EOGT: variants seen among roughly 807,000 people sequenced by gnomAD.
EOGT encodes EGF domain-specific O-linked N-acetylglucosamine transferase.
EOGT carries 55 observed loss-of-function variants against 70.5 expected under a neutral mutation model. The ratio of observed to expected loss-of-function variants is 0.78; its 90% CI spans 0.63 to 0.98. The LOEUF is 0.98. Among genes scored for constraint, EOGT ranks in the 50% least tolerant of loss-of-function variants. The pLI is 0.00. For missense variants in EOGT, 703 were observed against 641.9 expected (o/e 1.10, Z -1.03); for synonymous variants, 246 against 217.1 (o/e 1.13, Z -1.17).
intron 10 of EOGT, among the ~76,000 whole-genome samples, chr3:68,992,460 C>T (rs928172882): frequency 6.6e-6 from 1 of 152,224 alleles, no homozygotes; most frequent in Admixed American, 6.5e-5. Flanking sequence ...CCAGGTTACA[C>T]TGAAGCATGA....
intron 8 of EOGT, 40 bp from the exon 9 acceptor site, chr3:69,001,754 C>A: frequency 7.3e-7 from 1 of 1,361,538 alleles, no homozygotes; most frequent in South Asian, 1.2e-5. Context: ...AACTGATTCT[C>A]CCAAACTTCC....
In EOGT at chr3:69,007,783, T is replaced by C. The variant is rs766820298; in HGVS notation, c.350A>G (p.Lys117Arg). 1.2e-6 allele frequency: 2 copies of C among 1,613,204 alleles called. No individual in the cohort carries two copies. Among genetic ancestry groups the C allele is most frequent in the Admixed American group, 3.3e-5 (2 of 59,962 alleles). The stretch of plus-strand genomic sequence containing the variant: ...TCTGGCATATCCAAAGTCAGCTTGT[T>C]TCCAAAATATGTCCTCAGCTGACTC... ...TLESAEDIFW[K>R]QADFGYARER... Residue 117 changes from lysine (K) to arginine (R), a missense_variant, in exon 6 of 18, where the codon AAA becomes AGA. Physicochemically the swap from Lys to Arg is conservative, Grantham distance 26. Coordinates refer to ENST00000383701, the MANE Select transcript of EOGT (RefSeq NM_001278689.2).
chr3:69,005,238 A>G lies in EOGT; in HGVS notation c.421-4T>C, dbSNP rs199685770. Reference sequence around the variant, plus strand: ...AACACACCAGACTTGAGTCACTCTGAAGGTTGAGCAAAAGAAAAGAATGAC... The same window carrying G: ...AACACACCAGACTTGAGTCACTCTGGAGGTTGAGCAAAAGAAAAGAATGAC... On this transcript the variant is annotated splice_polypyrimidine_tract_variant and splice_region_variant and intron_variant, in intron 6 of 17. Transcript: ENST00000383701. 6.5e-7 allele frequency: 1 copy of G among 1,535,904 alleles called. No homozygotes were observed. Among genetic ancestry groups the G allele is most frequent in the Non-Finnish European group, 9.0e-7 (1 of 1,115,530 alleles).
At chr3:69,006,122 A>T (rs2091434207) in intron 6 of EOGT, among the ~76,000 whole-genome samples, 1 of 152,214 alleles carries the variant, frequency 6.6e-6, no homozygotes, top group Non-Finnish European at 1.5e-5. Context: ...GCACAAAGCA[A>T]ATCAAGGTAA....
At chr3:69,002,198 T>C (rs1159163835) in intron 8 of EOGT, among the ~76,000 whole-genome samples, 1 of 152,126 alleles carries the variant, frequency 6.6e-6, no homozygotes. Context: ...TAGCAGCAGA[T>C]TCTCCAGGCC....
rs2091435431 is a variant in EOGT at position 69,006,172 on chromosome 3, AG to A, written c.421-939del. 3.9e-5 allele frequency among the ~76,000 whole-genome samples: 6 copies of A among 152,342 alleles called. No homozygotes were observed. The South Asian group carries it at 1.2e-3, about 32-fold the overall frequency. On this transcript the variant is annotated intron_variant, in intron 6 of 17. Coordinates refer to ENST00000383701, the MANE Select transcript of EOGT (RefSeq NM_001278689.2). ...AACATTCTACAAGCCACCTTGAAAGAGGAGTGCAAGATAGGGGTTGTCATTA... is the reference window on the plus strand; with the variant it reads ...AACATTCTACAAGCCACCTTGAAAGAGAGTGCAAGATAGGGGTTGTCATTA...
chr3:68,982,734 G>C, intron 15 of EOGT, 77 bp downstream of exon 15: 1 of 1,073,998 alleles, frequency 9.3e-7, no homozygotes, highest in Non-Finnish European at 1.3e-6. Context: ...GGCTCCCACT[G>C]GAAAAATGCT....
At chr3:68,986,073 A>G (rs2090797747) in intron 14 of EOGT, among the ~76,000 whole-genome samples, 1 of 152,090 alleles carries the variant, frequency 6.6e-6, no homozygotes, top group South Asian at 2.1e-4. Context: ...TCCCACTTTT[A>G]AGGAAATTAT....
chr3:68,986,029 A>G lies in EOGT; in HGVS notation c.1152+1416T>C, dbSNP rs566671734. On this transcript the variant is annotated intron_variant, in intron 14 of 17. Transcript: ENST00000383701. ...CCATCTTCGAAGCCAGCAACATGGC[A>G]TCTCTCTGGCCCCACTTCCCTTATA... is the stretch of plus-strand genomic sequence containing the variant. 3.3e-5 allele frequency among the ~76,000 whole-genome samples: 5 copies of G among 152,308 alleles called. No individual in the cohort carries two copies. In the South Asian group the frequency reaches 1.0e-3, roughly 32 times the overall value.
chr3:68,996,623 G>C (rs1559602763), intron 10 of EOGT, among the ~76,000 whole-genome samples: 1 of 152,178 alleles, frequency 6.6e-6, no homozygotes, highest in African/African-American at 2.4e-5. Flanking sequence ...CTAAGCCAAG[G>C]CATCGCCTGT....
At position 68,977,678 on chromosome 3, in the gene EOGT, A is replaced by G. The variant is rs1575699109; in HGVS notation, c.1524T>C (p.Ala508=). The change falls in exon 18 of 18, where the codon GCT becomes GCC. Residue 508 remains alanine, a synonymous_variant. Transcript: ENST00000383701. ...VEEFMYLVLQ[A]ADHVLQHPKW... is the part of the protein sequence containing the mutation. ...TTGGGTGTTGCAATACGTGGTCTGC[A>G]GCCTGAAGGACAAGATACATAAATT... The G allele has an allele frequency of 1.2e-6, 2 of 1,613,954 alleles. No individual in the cohort carries two copies. The highest frequency in any genetic ancestry group is 3.3e-5 in the Admixed American group (2 of 59,990).
chr3:68,982,743 C>A, intron 15 of EOGT, 68 bp downstream of exon 15: 1 of 1,191,146 alleles, frequency 8.4e-7, no homozygotes, highest in Non-Finnish European at 1.2e-6. Context: ...TGGAAAAATG[C>A]TTTCTAGCCC....
intron 8 of EOGT, among the ~76,000 whole-genome samples, chr3:69,003,661 CA>C: frequency 6.6e-6 from 1 of 152,104 alleles, no homozygotes; most frequent in Non-Finnish European, 1.5e-5. Flanking sequence ...TTTTAAAATA[CA>C]AACTTTTTAA....
intron 16 of EOGT, among the ~76,000 whole-genome samples, chr3:68,979,082 G>T (rs1221009949): frequency 6.6e-6 from 1 of 152,194 alleles, no homozygotes; most frequent in African/African-American, 2.4e-5. Flanking sequence ...TAGACATAAT[G>T]GGGGGAAACA....
At chr3:69,011,650 C>A (rs2107420415) in intron 3 of EOGT, among the ~76,000 whole-genome samples, 1 of 151,282 alleles carries the variant, frequency 6.6e-6, no homozygotes, top group African/African-American at 2.4e-5. Context: ...CTGCTATGTT[C>A]CATCAAACCT....
At chr3:69,002,693 C>T (rs530653913) in intron 8 of EOGT, among the ~76,000 whole-genome samples, 24 of 150,404 alleles carry the variant, frequency 1.6e-4, no homozygotes, top group Admixed American at 9.3e-4. Context: ...CTTGATCCAT[C>T]GCCCAGGCTG....
At chr3:69,009,039 G>T (rs1158489100) in intron 4 of EOGT, among the ~76,000 whole-genome samples, 1 of 152,200 alleles carries the variant, frequency 6.6e-6, no homozygotes, top group Non-Finnish European at 1.5e-5. Context: ...ATGCTCTTCT[G>T]CAAGGCCCCA....
chr3:68,998,618 C>G (rs769019987), intron 9 of EOGT, among the ~76,000 whole-genome samples: 12 of 152,084 alleles, frequency 7.9e-5, no homozygotes, highest in Non-Finnish European at 1.8e-4. Context: ...CTTTGGGAGG[C>G]TGAGGCAGGC....
At chr3:68,994,861 C>T (rs1008263198) in intron 10 of EOGT, among the ~76,000 whole-genome samples, 3 of 152,142 alleles carry the variant, frequency 2.0e-5, no homozygotes, top group African/African-American at 7.2e-5. Context: ...GAAAGCCTGC[C>T]GTAATTTCTC....
Sources: allele counts gnomAD v4.1 joint callset (sites outside exome capture counted in the v4.1 genomes callset), GRCh38; gene constraint gnomAD v4.1.1; transcripts MANE v1.5; gene names NCBI Gene and HGNC (gene_info 2026-07-23, HGNC 2026-07-21).